Variants in PCDHGC4 observed in about 807,000 individuals in gnomAD.
PCDHGC4 encodes the protein protocadherin gamma-C4.
PCDHGC4 carries 15 observed loss-of-function variants against 59.7 expected under a neutral mutation model. The observed-to-expected ratio is 0.25, with a 90% confidence interval of 0.17 to 0.39. The LOEUF (loss-of-function observed/expected upper bound fraction) is 0.39, where lower values mean the gene tolerates loss of function less well. Among genes scored for constraint, PCDHGC4 ranks in the 10% least tolerant of loss-of-function variants. The pLI is 1.00. For missense variants in PCDHGC4, 1,016 were observed against 1,189.5 expected (o/e 0.85, Z 2.15); for synonymous variants, 434 against 481.4 (o/e 0.90, Z 1.29).
Position 141,511,403 on chromosome 5 carries a change from AC to A in PCDHGC4, c.*231del. ...TCCGCTGGGAACCCCCATCCAATCA[AC>A]TGCTGTACCCATGGGGGTAGTGGGG... is the stretch of plus-strand genomic sequence containing the variant. On this transcript the variant is annotated 3_prime_UTR_variant, in exon 4 of 4. Coordinates refer to ENST00000306593, the MANE Select transcript of PCDHGC4 (RefSeq NM_018928.3). 1.1e-6 allele frequency: 1 copy of A among 939,022 alleles called. No homozygotes were observed. The highest frequency in any genetic ancestry group is 1.5e-6 in the Non-Finnish European group (1 of 650,838). The allele number at this position is 939,022 out of a possible 1,614,324, so 58.2% of individuals were successfully genotyped here. A position where few individuals can be genotyped will look rare whatever the true frequency, so the allele number is the denominator to read the frequency against.
intron 3 of PCDHGC4, among the ~76,000 whole-genome samples, chr5:141,506,198 C>T (rs985517638): frequency 3.3e-5 from 5 of 152,156 alleles, no homozygotes; most frequent in Admixed American, 6.5e-5. Context: ...CGCCTGTAAT[C>T]CCAGCACTTT....
Position 141,487,781 on chromosome 5 carries a change from G to T in PCDHGC4, c.2442+166G>T. ...AGACGCTGTGCTTTGTAACTGTTTC[G>T]TGAATTAACCAGAGTTGTCACAGTT... On this transcript the variant is annotated intron_variant, in intron 1 of 3. Transcript: ENST00000306593. This position sits in a 1 kb window ranked among gnomAD's most constrained non-coding sequence, Gnocchi z 5.0. 2 of 1,526,850 alleles carry T rather than the reference G, an allele frequency of 1.3e-6. No homozygotes were observed. The highest frequency in any genetic ancestry group is 8.8e-7 in the Non-Finnish European group (1 of 1,130,880). The allele number at this position is 1,526,850 out of a possible 1,614,324, so 94.6% of individuals were successfully genotyped here. A position where few individuals can be genotyped will look rare whatever the true frequency, so the allele number is the denominator to read the frequency against.
chr5:141,492,553 G>C (rs1184580300), intron 1 of PCDHGC4, among the ~76,000 whole-genome samples: 1 of 152,148 alleles, frequency 6.6e-6, no homozygotes, highest in Non-Finnish European at 1.5e-5. Flanking sequence ...CGGGTCGCCT[G>C]GGGGGCGGCC....
rs951964805 is a variant in PCDHGC4, at chr5:141,512,109, C to A, written c.*936C>A. The A allele has an allele frequency of 1.0e-4, 16 of 152,656 alleles. No individual in the cohort carries two copies. The highest frequency in any genetic ancestry group is 1.5e-5 in the Non-Finnish European group (1 of 68,058). 9.5% of individuals were successfully genotyped at this position (152,656 alleles called of 1,614,324 possible). Reference sequence around the variant, plus strand: ...ACCAATAACTAGGCTGGACCCTTCCCACTACATAATAGGGCTCAGCCCAGG... The same window carrying A: ...ACCAATAACTAGGCTGGACCCTTCCAACTACATAATAGGGCTCAGCCCAGG... On this transcript the variant is annotated 3_prime_UTR_variant, in exon 4 of 4. Coordinates refer to ENST00000306593, the MANE Select transcript of PCDHGC4 (RefSeq NM_018928.3).
chr5:141,497,502 T>C (rs1216218103), intron 2 of PCDHGC4, among the ~76,000 whole-genome samples: 1 of 151,628 alleles, frequency 6.6e-6, no homozygotes, highest in East Asian at 1.9e-4. Flanking sequence ...CTCTCCTCTC[T>C]CTGCTTCCTT....
rs781550738 is a variant in PCDHGC4 at position 141,487,383 on chromosome 5, C to A, written c.2210C>A (p.Ser737Tyr). The change falls in exon 1 of 4, where the codon TCT becomes TAT. Residue 737 changes from serine (S) to tyrosine (Y), a missense_variant. By Grantham distance (144) the Ser-to-Tyr change is moderately radical. Transcript: ENST00000306593. This position sits in a 1 kb window ranked among gnomAD's most constrained non-coding sequence, Gnocchi z 5.0. ...PAGTCACLTRSRRREGLPPSN... is the reference protein window; with the variant it reads ...PAGTCACLTRYRRREGLPPSN... Reference sequence around the variant, plus strand: ...GGCACCTGTGCCTGTCTCACCAGATCTCGAAGGAGGGAGGGGCTTCCCCCT... The same window carrying A: ...GGCACCTGTGCCTGTCTCACCAGATATCGAAGGAGGGAGGGGCTTCCCCCT... The A allele has an allele frequency of 3.7e-6, 6 of 1,614,196 alleles. No individual in the cohort carries two copies. The South Asian group carries it at 6.6e-5, about 18-fold the overall frequency.
At chr5:141,505,361 A>G (rs2099845711) in intron 2 of PCDHGC4, 32 bp from the exon 3 acceptor site, 1 of 1,613,910 alleles carries the variant, frequency 6.2e-7, no homozygotes, top group South Asian at 1.1e-5. Context: ...CCGGCCTGGG[A>G]GTCTGTGCTC....
Position 141,492,023 on chromosome 5 carries a change from C to G in PCDHGC4, c.2443-2784C>G, listed in dbSNP as rs536734764. 1.8e-4 allele frequency: 102 copies of G among 564,804 alleles called. 3 individuals carry two copies. In the South Asian group the frequency reaches 2.8e-3, roughly 15 times the overall value. The allele number at this position is 564,804 out of a possible 1,614,324, so 35.0% of individuals were successfully genotyped here. A position where few individuals can be genotyped will look rare whatever the true frequency, so the allele number is the denominator to read the frequency against. On this transcript the variant is annotated intron_variant, in intron 1 of 3. Coordinates refer to ENST00000306593, the MANE Select transcript of PCDHGC4 (RefSeq NM_018928.3). Reference sequence around the variant, plus strand: ...CGATTTCCGCGGGTGTCGGGGGTCCCGGGAGGAGGCAGTCACAGATCCACC... The same window carrying G: ...CGATTTCCGCGGGTGTCGGGGGTCCGGGGAGGAGGCAGTCACAGATCCACC...
chr5:141,487,391 A>C lies in PCDHGC4; in HGVS notation c.2218A>C (p.Arg740=). 1 of 1,614,090 alleles carries C rather than the reference A, an allele frequency of 6.2e-7. No homozygotes were observed. The highest frequency in any genetic ancestry group is 1.1e-5 in the South Asian group (1 of 91,078). The part of the protein sequence containing the change: ...TCACLTRSRR[R]EGLPPSNGIL... ...TGCCTGTCTCACCAGATCTCGAAGG[A>C]GGGAGGGGCTTCCCCCTTCCAATGG... Residue 740 remains arginine (R), a synonymous_variant, in exon 1 of 4, where the codon AGG becomes CGG. Transcript: ENST00000306593. The surrounding 1 kb of genome is among the most constrained non-coding windows in gnomAD (Gnocchi z 5.0).
Position 141,485,465 on chromosome 5 carries a change from C to A in PCDHGC4, c.292C>A (p.Leu98Ile), listed in dbSNP as rs2099614061. 6.2e-7 allele frequency: 1 copy of A among 1,614,044 alleles called. No homozygotes were observed. Among genetic ancestry groups the A allele is most frequent in the African/African-American group, 1.3e-5 (1 of 74,918 alleles). ...AATCGACCGAGAGGCACTGTGTGGG[C>A]TCAGTGCCAGCTGCATCGTGCCCCT... Reference protein sequence around the residue: ...NPIDREALCGLSASCIVPLEF... With the variant: ...NPIDREALCGISASCIVPLEF... The change falls in exon 1 of 4, where the codon CTC becomes ATC. Residue 98 changes from leucine (L) to isoleucine (I), a missense_variant. Leu to Ile is a conservative substitution (Grantham distance 5). Transcript: ENST00000306593. This position sits in a 1 kb window ranked among gnomAD's most constrained non-coding sequence, Gnocchi z 5.7.
rs533830391 is a variant in PCDHGC4, at chr5:141,492,559, C to T, written c.2443-2248C>T. 4.6e-5 allele frequency among the ~76,000 whole-genome samples: 7 copies of T among 152,292 alleles called. No homozygotes were observed. The East Asian group carries it at 1.4e-3, about 29-fold the overall frequency. The stretch of plus-strand genomic sequence containing the variant: ...GGGCTGGGCCGGGTCGCCTGGGGGG[C>T]GGCCTGAGCGAGGCGCGGGGCCAGG... On this transcript the variant is annotated intron_variant, in intron 1 of 3. Coordinates refer to ENST00000306593, the MANE Select transcript of PCDHGC4 (RefSeq NM_018928.3).
rs769671283 is a variant in PCDHGC4, at chr5:141,511,391, C to A, written c.*218C>A. 1 of 1,079,748 alleles carries A rather than the reference C, an allele frequency of 9.3e-7. No homozygotes were observed. The allele number at this position is 1,079,748 out of a possible 1,614,324, so 66.9% of individuals were successfully genotyped here. On this transcript the variant is annotated 3_prime_UTR_variant, in exon 4 of 4. Transcript: ENST00000306593. ...TGCAAAAGCAGTTCCGCTGGGAACC[C>A]CCATCCAATCAACTGCTGTACCCAT...
chr5:141,494,142 A>AAGACAACT (rs2099752181), intron 1 of PCDHGC4, among the ~76,000 whole-genome samples: 5 of 152,090 alleles, frequency 3.3e-5, no homozygotes, highest in Admixed American at 6.5e-5. Context: ...TTAGTCACAG[A>AAGACAACT]CCATTGTCTG....
Position 141,489,252 on chromosome 5 carries a change from G to A in PCDHGC4, c.2442+1637G>A. 2 of 1,547,622 alleles carry A rather than the reference G, an allele frequency of 1.3e-6. No individual in the cohort carries two copies. Among genetic ancestry groups the A allele is most frequent in the Non-Finnish European group, 1.7e-6 (2 of 1,147,198 alleles). On this transcript the variant is annotated intron_variant, in intron 1 of 3. Coordinates refer to ENST00000306593, the MANE Select transcript of PCDHGC4 (RefSeq NM_018928.3). The surrounding 1 kb of genome is among the most constrained non-coding windows in gnomAD (Gnocchi z 4.5). ...GGGACTTCTGGGTCATGGGGCCCAAGACACTCCCACAGCTCGCTGGGAAAT... is the reference window on the plus strand; with the variant it reads ...GGGACTTCTGGGTCATGGGGCCCAAAACACTCCCACAGCTCGCTGGGAAAT...
chr5:141,497,540 CTTT>C (rs754207034), intron 2 of PCDHGC4, among the ~76,000 whole-genome samples: 11 of 134,886 alleles, frequency 8.2e-5, no homozygotes, highest in African/African-American at 1.9e-4. Context: ...TGCAACAAAC[CTTT>C]TTTTTTTTTT....
rs556656447 is a variant in PCDHGC4 at position 141,500,319 on chromosome 5, C to CT, written c.2502-5073dup. Among the ~76,000 whole-genome samples the CT allele has an allele frequency of 2.6e-5, 4 of 152,122 alleles. No homozygotes were observed. The South Asian group carries it at 8.3e-4, about 32-fold the overall frequency. Reference sequence around the variant, plus strand: ...CGCCTCCCAGGTTCACGCCATGCTCCTGCCTCAGCCTCCAGAATAGCTGGG... The same window carrying CT: ...CGCCTCCCAGGTTCACGCCATGCTCCTTGCCTCAGCCTCCAGAATAGCTGGG... On this transcript the variant is annotated intron_variant, in intron 2 of 3. Coordinates refer to ENST00000306593, the MANE Select transcript of PCDHGC4 (RefSeq NM_018928.3).
In PCDHGC4 at chr5:141,485,713, G is replaced by A. The variant is rs769162337; in HGVS notation, c.540G>A (p.Leu180=). The stretch of plus-strand genomic sequence containing the variant: ...TGAGCTCCAATGAACACTTTGCACT[G>A]GATGTGAAGAAGCGCAGCGACGGCA... The part of the protein sequence containing the change: ...YRLSSNEHFA[L]DVKKRSDGSL... Residue 180 remains leucine, a synonymous_variant, in exon 1 of 4, where the codon CTG becomes CTA. Transcript: ENST00000306593. The surrounding 1 kb of genome is among the most constrained non-coding windows in gnomAD (Gnocchi z 5.7). 2 of 1,614,084 alleles carry A rather than the reference G, an allele frequency of 1.2e-6. No homozygotes were observed. The highest frequency in any genetic ancestry group is 1.3e-5 in the African/African-American group (1 of 74,942).
rs563057370 is a variant in PCDHGC4 at position 141,491,297 on chromosome 5, A to G, written c.2443-3510A>G. 1.2e-6 allele frequency: 2 copies of G among 1,614,106 alleles called. No homozygotes were observed. Among genetic ancestry groups the G allele is most frequent in the African/African-American group, 2.7e-5 (2 of 75,038 alleles). On this transcript the variant is annotated intron_variant, in intron 1 of 3. Transcript: ENST00000306593. This position sits in a 1 kb window ranked among gnomAD's most constrained non-coding sequence, Gnocchi z 6.9. The stretch of plus-strand genomic sequence containing the variant: ...AGTGACTTCCTCATACACCCTCCTG[A>G]GCGTTCAGACCTTACCCTTTACCTC...
rs769249726 is a variant in PCDHGC4 at position 141,490,832 on chromosome 5, A to C, written c.2442+3217A>C. On this transcript the variant is annotated intron_variant, in intron 1 of 3. Transcript: ENST00000306593. This position sits in a 1 kb window ranked among gnomAD's most constrained non-coding sequence, Gnocchi z 5.4. Reference sequence around the variant, plus strand: ...GACTATGAATTGCTGCAGATGCTGCAGATTGTGGTGGGGGTTCGAGACTCC... The same window carrying C: ...GACTATGAATTGCTGCAGATGCTGCCGATTGTGGTGGGGGTTCGAGACTCC... 1.5e-5 allele frequency: 25 copies of C among 1,613,796 alleles called. No individual in the cohort carries two copies. In the South Asian group the frequency reaches 2.6e-4, roughly 17 times the overall value.
Sources: gnomAD v4.1 joint callset for allele counts (sites outside exome capture counted in the v4.1 genomes callset) on GRCh38, gnomAD v4.1.1 for gene constraint, Gnocchi (gnomAD v3.1) non-coding constraint, MANE v1.5 for transcripts, NCBI Gene and HGNC (gene_info 2026-07-23, HGNC 2026-07-21) for gene names.